The following MTNAP1 variants were observed in gnomAD, a reference collection of about 807,000 sequenced individuals.
MTNAP1 encodes mitochondrial nucleoid-associated protein 1.
At chr17:73,236,919 A>C in the MTNAP1 span, 1 of 1,613,622 alleles carries the variant, frequency 6.2e-7, no homozygotes, top group South Asian at 1.1e-5. Flanking sequence ...GGGTGTTGCC[A>C]GGGAAGCCTC....
At chr17:73,245,154 C>T in the MTNAP1 span, 8 of 1,613,568 alleles carry the variant, frequency 5.0e-6, no homozygotes, top group Admixed American at 1.7e-5. Context: ...ACATTTGTCT[C>T]TGTTTATCCA....
At chr17:73,243,548 C>CTT in the MTNAP1 span, among the ~76,000 whole-genome samples, 177 of 135,062 alleles carry the variant, frequency 1.3e-3, no homozygotes, top group Middle Eastern at 3.9e-3. Flanking sequence ...TTCATGTTGT[C>CTT]TTTTTTTTTT....
the MTNAP1 span, chr17:73,236,681 TA>T: frequency 1.9e-6 from 3 of 1,614,170 alleles, no homozygotes; most frequent in Admixed American, 5.0e-5. Flanking sequence ...GTCCCTGATG[TA>T]AAGGCATTAA....
At chr17:73,241,938 G>C in the MTNAP1 span, among the ~76,000 whole-genome samples, 1 of 152,050 alleles carries the variant, frequency 6.6e-6, no homozygotes, top group African/African-American at 2.4e-5. Context: ...AAAACAAAAA[G>C]ATGATGTAAG....
the MTNAP1 span, chr17:73,245,839 C>T: frequency 9.3e-6 from 5 of 535,652 alleles, no homozygotes; most frequent in Non-Finnish European, 9.5e-6. Context: ...AATAATGAAC[C>T]GGTGGCTAAT....
At chr17:73,232,532 A>T in the MTNAP1 span, 1 of 470,556 alleles carries the variant, frequency 2.1e-6, no homozygotes, top group Non-Finnish European at 3.8e-6. Flanking sequence ...AAATTCAATT[A>T]TGTCATAATA....
chr17:73,243,011 T>C, the MTNAP1 span: 2 of 1,600,530 alleles, frequency 1.2e-6, no homozygotes, highest in African/African-American at 1.3e-5. Context: ...TGAGTAAGTC[T>C]TTCTATATTT....
the MTNAP1 span, chr17:73,236,794 C>A: frequency 6.2e-7 from 1 of 1,614,176 alleles, no homozygotes; most frequent in Non-Finnish European, 8.5e-7. Flanking sequence ...AGCCCAGCGT[C>A]ACACTCCTCA....
the MTNAP1 span, chr17:73,242,825 CTTGA>C: frequency 3.2e-6 from 4 of 1,259,386 alleles, no homozygotes; most frequent in African/African-American, 2.9e-5. Flanking sequence ...ACTGGGAAAA[CTTGA>C]ATGACTCGCG....
chr17:73,248,716 G>A, the MTNAP1 span: 1 of 658,840 alleles, frequency 1.5e-6, no homozygotes, highest in Non-Finnish European at 2.7e-6. Context: ...GAATACCCCG[G>A]CTGTAACTCA....
chr17:73,236,669 G>C, the MTNAP1 span: 1 of 1,614,110 alleles, frequency 6.2e-7, no homozygotes, highest in South Asian at 1.1e-5. Flanking sequence ...AATCATCATT[G>C]TGTCCCTGAT....
the MTNAP1 span, chr17:73,236,310 A>G: frequency 6.2e-7 from 1 of 1,614,040 alleles, no homozygotes; most frequent in African/African-American, 1.3e-5. Context: ...AGAACACAGA[A>G]TCCCTCATTT....
the MTNAP1 span, chr17:73,248,761 G>A: frequency 1.6e-5 from 8 of 498,778 alleles, no homozygotes; most frequent in South Asian, 1.5e-4. Context: ...ACCTCGGGGC[G>A]GCCTTGTTTA....
At chr17:73,238,703 G>A in the MTNAP1 span, among the ~76,000 whole-genome samples, 1 of 152,152 alleles carries the variant, frequency 6.6e-6, no homozygotes, top group South Asian at 2.1e-4. Flanking sequence ...TGGGCACAAG[G>A]TGGACAGAGA....
the MTNAP1 span, among the ~76,000 whole-genome samples, chr17:73,241,081 T>C: frequency 6.6e-6 from 1 of 152,228 alleles, no homozygotes; most frequent in Non-Finnish European, 1.5e-5. Context: ...ACTAGAGAAC[T>C]ATCAGTAGTA....
the MTNAP1 span, chr17:73,236,668 T>C: frequency 0.53 from 858,866 of 1,613,838 alleles, 229,858 homozygotes; most frequent in East Asian, 0.63. Context: ...GAATCATCAT[T>C]GTGTCCCTGA....
At chr17:73,236,542 A>G in the MTNAP1 span, 9 of 1,614,198 alleles carry the variant, frequency 5.6e-6, no homozygotes, top group Non-Finnish European at 7.6e-6. Context: ...ACCACATTTA[A>G]GTTTGTTCAT....
At chr17:73,233,017 C>G in the MTNAP1 span, 4 of 152,450 alleles carry the variant, frequency 2.6e-5, no homozygotes, top group African/African-American at 7.3e-5. Context: ...GGTAACGCAG[C>G]GGGAGGAGGG....
the MTNAP1 span, among the ~76,000 whole-genome samples, chr17:73,241,413 C>T: frequency 6.6e-6 from 1 of 152,170 alleles, no homozygotes; most frequent in Non-Finnish European, 1.5e-5. Context: ...CCACCTCAGC[C>T]TCCCAAAGTG....
Sources: allele counts gnomAD v4.1 joint callset (sites outside exome capture counted in the v4.1 genomes callset), GRCh38; gene constraint gnomAD v4.1.1; transcripts MANE v1.5; gene names NCBI Gene and HGNC (gene_info 2026-07-23, HGNC 2026-07-21).